The following CLIP1 variants were observed in gnomAD, a reference collection of about 807,000 sequenced individuals.
CLIP1 encodes the protein CAP-Gly domain containing linker protein 1.
Under a neutral mutation model 161.6 loss-of-function variants are expected in CLIP1, and 66 were observed. The ratio of observed to expected loss-of-function variants is 0.41; its 90% CI spans 0.33 to 0.50. The LOEUF (loss-of-function observed/expected upper bound fraction) is 0.50. CLIP1 is among the 20% of genes least tolerant of loss of function. CLIP1 has a pLI of 0.27. For synonymous variants in CLIP1, 598 were observed against 626.2 expected, an observed-to-expected ratio of 0.96 and a Z score of 0.67; for missense variants, 1,376 against 1,702.0, an observed-to-expected ratio of 0.81 and a Z score of 3.37.
intron 19 of CLIP1, among the ~76,000 whole-genome samples, chr12:122,310,468 A>G (rs1479194063): frequency 6.6e-6 from 1 of 152,194 alleles, no homozygotes; most frequent in Non-Finnish European, 1.5e-5. Flanking sequence ...CAGGTGTTTT[A>G]TTTTATAGTA....
intron 17 of CLIP1, among the ~76,000 whole-genome samples, chr12:122,325,539 T>C (rs1322539548): frequency 6.6e-6 from 1 of 152,190 alleles, no homozygotes; most frequent in Non-Finnish European, 1.5e-5. Context: ...TGGAGGGAAG[T>C]GGCGCGATCT....
At chr12:122,357,831 C>G (rs538677939) in intron 5 of CLIP1, among the ~76,000 whole-genome samples, 100 of 149,104 alleles carry the variant, frequency 6.7e-4, no homozygotes, top group South Asian at 2.1e-3. Flanking sequence ...GTCAGCCCCC[C>G]GCCCGGCCAG....
At chr12:122,366,047 C>CA (rs1192585359) in intron 3 of CLIP1, among the ~76,000 whole-genome samples, 3 of 151,970 alleles carry the variant, frequency 2.0e-5, no homozygotes, top group Non-Finnish European at 2.9e-5. Context: ...CACGATGGCT[C>CA]ACGCCTCCCA....
intron 3 of CLIP1, among the ~76,000 whole-genome samples, chr12:122,374,165 G>T (rs1212688619): frequency 1.3e-5 from 2 of 151,896 alleles, no homozygotes; most frequent in Non-Finnish European, 2.9e-5. Context: ...GTGAAACCCT[G>T]TCTCTATTAA....
intron 20 of CLIP1, among the ~76,000 whole-genome samples, chr12:122,292,921 T>C (rs1950305304): frequency 6.9e-6 from 1 of 144,226 alleles, no homozygotes; most frequent in South Asian, 2.1e-4. Context: ...GAGAATGGCA[T>C]GAACCCGGGA....
At chr12:122,349,247 G>T (rs2136421075) in intron 9 of CLIP1, among the ~76,000 whole-genome samples, 2 of 152,324 alleles carry the variant, frequency 1.3e-5, no homozygotes, top group Non-Finnish European at 2.9e-5. Flanking sequence ...TTCTTCTCTT[G>T]ACACAGTTAA....
chr12:122,390,306 A>G (rs866736535), intron 1 of CLIP1, among the ~76,000 whole-genome samples: 27 of 128,044 alleles, frequency 2.1e-4, no homozygotes, highest in Admixed American at 3.3e-4. Context: ...ATATATATGT[A>G]TATATATATA....
intron 15 of CLIP1, among the ~76,000 whole-genome samples, chr12:122,329,472 T>C (rs1396971018): frequency 6.6e-6 from 1 of 150,478 alleles, no homozygotes; most frequent in Non-Finnish European, 1.5e-5. Flanking sequence ...CTAATAAAAA[T>C]ACAAAAAATT....
intron 19 of CLIP1, among the ~76,000 whole-genome samples, chr12:122,316,530 A>G (rs990717116): frequency 1.3e-5 from 2 of 151,886 alleles, no homozygotes; most frequent in African/African-American, 2.4e-5. Flanking sequence ...TGAATCCCCA[A>G]CTGAACTCAT....
chr12:122,361,067 C>T lies in CLIP1; in HGVS notation c.897G>A (p.Val299=). 1 of 1,614,262 alleles carries T rather than the reference C, an allele frequency of 6.2e-7. No homozygotes were observed. The highest frequency in any genetic ancestry group is 1.6e-4 in the Middle Eastern group (1 of 6,062). ...AKAKANAVRR[V]MATTSASLKR... is the part of the protein sequence containing the mutation. ...TCAGGCTGGCGGACGTGGTCGCCAT[C>T]ACTCGCCTCACTGCGTTGGCCTTGG... The change falls in exon 5 of 26, where the codon GTG becomes GTA. Residue 299 remains valine, a synonymous_variant. Coordinates refer to ENST00000620786, the MANE Select transcript of CLIP1 (RefSeq NM_001247997.2).
At chr12:122,313,405 A>G (rs1209831431) in intron 19 of CLIP1, among the ~76,000 whole-genome samples, 2 of 152,032 alleles carry the variant, frequency 1.3e-5, no homozygotes, top group Admixed American at 6.6e-5. Flanking sequence ...TCAACGGAAT[A>G]ATTCGAAGGA....
intron 1 of CLIP1, among the ~76,000 whole-genome samples, chr12:122,405,564 A>G (rs12228381): frequency 6.6e-6 from 1 of 151,556 alleles, no homozygotes; most frequent in South Asian, 2.1e-4. Flanking sequence ...CAAGGCGGAT[A>G]GATCACCTGA....
intron 18 of CLIP1, among the ~76,000 whole-genome samples, chr12:122,318,348 C>T (rs1170152214): frequency 1.3e-5 from 2 of 152,328 alleles, no homozygotes; most frequent in Middle Eastern, 3.4e-3. Flanking sequence ...GCCTGGCCAA[C>T]ATGGCAAAAC....
intron 5 of CLIP1, among the ~76,000 whole-genome samples, chr12:122,359,802 C>T (rs564834921): frequency 6.6e-6 from 1 of 152,276 alleles, no homozygotes; most frequent in South Asian, 2.1e-4. Context: ...CCACCTCCTC[C>T]CCGCAGCACA....
At chr12:122,362,784 AT>A (rs1227814800) in intron 4 of CLIP1, among the ~76,000 whole-genome samples, 1 of 149,378 alleles carries the variant, frequency 6.7e-6, no homozygotes, top group African/African-American at 2.5e-5. Context: ...ACAAAACGGC[AT>A]TGGAGGGAAA....
intron 1 of CLIP1, among the ~76,000 whole-genome samples, chr12:122,403,000 A>G (rs982308853): frequency 6.6e-6 from 1 of 152,152 alleles, no homozygotes; most frequent in Non-Finnish European, 1.5e-5. Context: ...ATAGGACACC[A>G]CCAGGCTAGA....
intron 21 of CLIP1, among the ~76,000 whole-genome samples, chr12:122,284,057 A>G (rs1227136406): frequency 6.6e-6 from 1 of 152,214 alleles, no homozygotes; most frequent in Non-Finnish European, 1.5e-5. Context: ...TCCTTTATCA[A>G]TCTGAGTTTT....
chr12:122,328,409 T>C lies in CLIP1; in HGVS notation c.2885A>G (p.Gln962Arg), dbSNP rs773532271. Residue 962 changes from glutamine (Q) to arginine (R), a missense_variant, in exon 16 of 26, where the codon CAG becomes CGG. Gln to Arg is a conservative substitution (Grantham distance 43). Transcript: ENST00000620786. ...RLKERDVEEL[Q>R]LKLTKANENA... ...TTCATTAGCCTTTGTAAGTTTTAGC[T>C]GTAATTCTTCTACATCTCTAGAAAA... is the stretch of plus-strand genomic sequence containing the variant. 1 of 1,599,484 alleles carries C rather than the reference T, an allele frequency of 6.3e-7. No homozygotes were observed. Among genetic ancestry groups the C allele is most frequent in the Non-Finnish European group, 8.5e-7 (1 of 1,174,950 alleles).
chr12:122,378,823 C>A (rs1461682089), intron 2 of CLIP1, among the ~76,000 whole-genome samples: 1 of 152,044 alleles, frequency 6.6e-6, no homozygotes, highest in African/African-American at 2.4e-5. Context: ...GATGAAACCC[C>A]ATTCCTACTA....
Sources: allele counts gnomAD v4.1 joint callset (sites outside exome capture counted in the v4.1 genomes callset), GRCh38; gene constraint gnomAD v4.1.1; transcripts MANE v1.5; gene names NCBI Gene and HGNC (gene_info 2026-07-23, HGNC 2026-07-21).